Variants in IKZF1 observed in about 807,000 individuals in gnomAD.
IKZF1 encodes IKAROS family zinc finger 1.
IKZF1 carries 10 observed loss-of-function variants against 51.7 expected under a neutral mutation model. The ratio of observed to expected loss-of-function variants is 0.19; its 90% CI spans 0.12 to 0.33. The LOEUF (loss-of-function observed/expected upper bound fraction) is 0.33. Among genes scored for constraint, IKZF1 ranks in the 10% least tolerant of loss-of-function variants. The pLI is 1.00. For synonymous variants in IKZF1, 280 were observed against 282.3 expected (o/e 0.99, Z 0.08); for missense variants, 484 against 707.5 (o/e 0.68, Z 3.58).
chr7:50,357,866 T>G (rs1803946445), intron 3 of IKZF1, among the ~76,000 whole-genome samples: 1 of 152,232 alleles, frequency 6.6e-6, no homozygotes, highest in South Asian at 2.1e-4. Flanking sequence ...TCCACTTTTC[T>G]TTTCTACTGT....
chr7:50,313,818 C>T (rs967484653), intron 1 of IKZF1, among the ~76,000 whole-genome samples: 11 of 152,208 alleles, frequency 7.2e-5, no homozygotes, highest in African/African-American at 2.2e-4. Context: ...GACACTATGC[C>T]AGGTGCTCAA....
intron 3 of IKZF1, among the ~76,000 whole-genome samples, chr7:50,357,724 T>C (rs1012012395): frequency 1.3e-5 from 2 of 152,214 alleles, no homozygotes; most frequent in South Asian, 2.1e-4. Context: ...GTGTGGGCTA[T>C]TCAGAGGGCC....
At chr7:50,303,966 C>G (rs1788155894), upstream of IKZF1, 1 of 145,176 alleles carries the variant, frequency 6.9e-6, no homozygotes, top group Admixed American at 6.8e-5. The surrounding 1 kb of genome is among the most constrained non-coding windows in gnomAD (Gnocchi z 4.7). Flanking sequence ...CGCCGCATCC[C>G]GTGCGGGGCC....
upstream of IKZF1, among the ~76,000 whole-genome samples, chr7:50,303,659 G>A (rs1190345454): frequency 3.9e-5 from 6 of 152,112 alleles, no homozygotes; most frequent in Admixed American, 3.3e-4. This position sits in a 1 kb window ranked among gnomAD's most constrained non-coding sequence, Gnocchi z 4.7. Context: ...GAACCCGGGA[G>A]CCAAGGGGCC....
chr7:50,312,086 G>A (rs976340166), intron 1 of IKZF1, among the ~76,000 whole-genome samples: 1 of 152,136 alleles, frequency 6.6e-6, no homozygotes, highest in African/African-American at 2.4e-5. Context: ...TCCTGACCAT[G>A]CATGAAGGTC....
rs921141750 is a variant in IKZF1 at position 50,403,109 on chromosome 7, C to G, written c.*2482C>G. Reference sequence around the variant, plus strand: ...TTTCTAAACTGCTTTGCCCTTTCCTCTCACTGCCTTTTATAGCCAATATAA... The same window carrying G: ...TTTCTAAACTGCTTTGCCCTTTCCTGTCACTGCCTTTTATAGCCAATATAA... On this transcript the variant is annotated 3_prime_UTR_variant, in exon 8 of 8. Transcript: ENST00000331340. The G allele has an allele frequency of 1.8e-5, 4 of 222,990 alleles. No homozygotes were observed. Among genetic ancestry groups the G allele is most frequent in the African/African-American group, 8.9e-5 (4 of 44,794 alleles). The allele number at this position is 222,990 out of a possible 1,614,324, so 13.8% of individuals were successfully genotyped here. A position where few individuals can be genotyped will look rare whatever the true frequency, so the allele number is the denominator to read the frequency against.
intron 6 of IKZF1, chr7:50,388,568 C>CA (rs1814092924): frequency 1.3e-5 from 2 of 152,222 alleles, no homozygotes; most frequent in Admixed American, 1.3e-4. Flanking sequence ...CTCCAGGCCT[C>CA]AATCTTCTCA....
intron 3 of IKZF1, among the ~76,000 whole-genome samples, chr7:50,357,417 T>G (rs1803786967): frequency 7.3e-6 from 1 of 137,120 alleles, no homozygotes; most frequent in Non-Finnish European, 1.5e-5. Flanking sequence ...AGATTCCCTC[T>G]TCCTGCTTCT....
intron 4 of IKZF1, among the ~76,000 whole-genome samples, chr7:50,381,020 C>A (rs367936046): frequency 1.3e-5 from 2 of 152,152 alleles, no homozygotes; most frequent in African/African-American, 4.8e-5. Flanking sequence ...ATACCAGATA[C>A]CTCCTGGTTA....
At chr7:50,328,115 G>A in intron 3 of IKZF1, 1 of 176,580 alleles carries the variant, frequency 5.7e-6, no homozygotes. Flanking sequence ...TTTGGCAACA[G>A]TGCTTTTCAG....
rs576295384 is a variant in IKZF1 at position 50,350,137 on chromosome 7, C to T, written c.160+22380C>T. ...TGGGCTTGAATCCCATGGCCACCAC[C>T]GTCCGCTGGGAGGCCTGGAGCCGGC... is the stretch of plus-strand genomic sequence containing the variant. On this transcript the variant is annotated intron_variant, in intron 3 of 7. Transcript: ENST00000331340. Among the ~76,000 whole-genome samples, 6 of 152,346 alleles carry T rather than the reference C, an allele frequency of 3.9e-5. No homozygotes were observed. In the South Asian group the frequency reaches 1.0e-3, roughly 26 times the overall value.
chr7:50,386,141 G>T (rs1813318702), intron 5 of IKZF1, among the ~76,000 whole-genome samples: 1 of 152,218 alleles, frequency 6.6e-6, no homozygotes, highest in Middle Eastern at 3.2e-3. Flanking sequence ...AGTGATTAAA[G>T]ATACTTTATT....
intron 3 of IKZF1, among the ~76,000 whole-genome samples, chr7:50,374,492 C>G (rs1172635238): frequency 6.6e-6 from 1 of 152,226 alleles, no homozygotes; most frequent in Non-Finnish European, 1.5e-5. Flanking sequence ...TGTTCAACCT[C>G]TCTGTGCCTT....
Position 50,376,652 on chromosome 7 carries a change from G to T in IKZF1, c.280G>T (p.Gly94Cys), listed in dbSNP as rs942938472. The T allele has an allele frequency of 2.5e-6, 4 of 1,613,878 alleles. No homozygotes were observed. The highest frequency in any genetic ancestry group is 3.3e-5 in the Admixed American group (2 of 60,002). ...MLDASGEKMNGSHRDQGSSAL... is the reference protein window; with the variant it reads ...MLDASGEKMNCSHRDQGSSAL... Reference sequence around the variant, plus strand: ...TGATGCCTCGGGAGAGAAAATGAATGGCTCCCACAGGGACCAAGGCAGCTC... The same window carrying T: ...TGATGCCTCGGGAGAGAAAATGAATTGCTCCCACAGGGACCAAGGCAGCTC... Residue 94 changes from glycine (G) to cysteine (C), a missense_variant, in exon 4 of 8, where the codon GGC becomes TGC. By Grantham distance (159) the Gly-to-Cys change is radical. Around this residue, in one of 6 missense-constraint regions of IKZF1, gnomAD observed 118 missense variants for 138.4 expected, o/e 0.85. Transcript: ENST00000331340. The surrounding 1 kb of genome is among the most constrained non-coding windows in gnomAD (Gnocchi z 4.5).
Position 50,400,304 on chromosome 7 carries a change from T to G in IKZF1, c.1237T>G (p.Tyr413Asp). Residue 413 changes from tyrosine (Y) to aspartate (D), a missense_variant, in exon 8 of 8, where the codon TAC becomes GAC. This residue lies in a region of IKZF1 where 27 missense variants were observed against 56.8 expected (regional missense o/e 0.48). Coordinates refer to ENST00000331340, the MANE Select transcript of IKZF1 (RefSeq NM_006060.6). This position sits in a 1 kb window ranked among gnomAD's most constrained non-coding sequence, Gnocchi z 5.4. ...NNEEQRSGLI[Y>D]LTNHIAPHAR... ...CGAGGAGCAGCGCAGCGGTCTCATC[T>G]ACCTGACCAACCACATCGCCCCGCA... 1 of 1,612,990 alleles carries G rather than the reference T, an allele frequency of 6.2e-7. No homozygotes were observed. The highest frequency in any genetic ancestry group is 8.5e-7 in the Non-Finnish European group (1 of 1,179,694).
At position 50,391,763 on chromosome 7, in the gene IKZF1, A is replaced by G; in HGVS notation, c.750A>G (p.Ala250=). The G allele has an allele frequency of 1.2e-6, 2 of 1,614,064 alleles. No individual in the cohort carries two copies. Among genetic ancestry groups the G allele is most frequent in the African/African-American group, 1.3e-5 (1 of 75,074 alleles). ...IKEETNHSEM[A]EDLCKIGSER... is the part of the protein sequence containing the mutation. Reference sequence around the variant, plus strand: ...AAGAAACTAATCACAGTGAAATGGCAGAAGACCTGTGCAAGATAGGATCAG... The same window carrying G: ...AAGAAACTAATCACAGTGAAATGGCGGAAGACCTGTGCAAGATAGGATCAG... The change falls in exon 7 of 8, where the codon GCA becomes GCG. Residue 250 remains alanine, a synonymous_variant. Transcript: ENST00000331340.
Position 50,382,722 on chromosome 7 carries a change from T to A in IKZF1, c.589+15T>A, listed in dbSNP as rs7789106. On this transcript the variant is annotated intron_variant, in intron 5 of 7. Coordinates refer to ENST00000331340, the MANE Select transcript of IKZF1 (RefSeq NM_006060.6). The stretch of plus-strand genomic sequence containing the variant: ...GACGCACTCCGGTAGGTCCCCTGGA[T>A]GCAGTCCGGGGCTGTCTGGGTGTCC... The A allele has an allele frequency of 1.7e-5, 27 of 1,598,940 alleles. No homozygotes were observed. The highest frequency in any genetic ancestry group is 1.9e-5 in the Non-Finnish European group (22 of 1,177,460).
At chr7:50,343,002 T>C (rs1799418924) in intron 3 of IKZF1, among the ~76,000 whole-genome samples, 1 of 152,096 alleles carries the variant, frequency 6.6e-6, no homozygotes, top group African/African-American at 2.4e-5. Context: ...TCTTTCCTCC[T>C]TTTTCCTTCC....
At chr7:50,338,332 AG>A (rs1798266474) in intron 3 of IKZF1, among the ~76,000 whole-genome samples, 1 of 152,252 alleles carries the variant, frequency 6.6e-6, no homozygotes, top group African/African-American at 2.4e-5. Context: ...AGAGATCCTT[AG>A]ATTAAAAGTG....
Sources: allele counts gnomAD v4.1 joint callset (sites outside exome capture counted in the v4.1 genomes callset), GRCh38; gene constraint gnomAD v4.1.1; regional missense constraint gnomAD v4.1.1; non-coding constraint Gnocchi (gnomAD v3.1); transcripts MANE v1.5; gene names NCBI Gene and HGNC (gene_info 2026-07-23, HGNC 2026-07-21).